IL4R: variants seen among roughly 807,000 people sequenced by gnomAD.
IL4R encodes interleukin 4 receptor, also known as interleukin-4 receptor subunit alpha.
In IL4R, 17 loss-of-function variants were observed where a neutral mutation model predicts 41.5. The observed-to-expected ratio is 0.41, with a 90% confidence interval of 0.28 to 0.61. The LOEUF is 0.61. Ranked by LOEUF, IL4R falls within the 20% of genes least tolerant of loss-of-function variation. The probability of loss-of-function intolerance (pLI) is 0.31; values close to 1 mark genes in which losing one functional copy is unlikely to be tolerated. For missense variants in IL4R, 974 were observed against 1,043.1 expected, an observed-to-expected ratio of 0.93 and a Z score of 0.91; for synonymous variants, 402 against 422.9, an observed-to-expected ratio of 0.95 and a Z score of 0.61.
chr16:27,330,396 AAAAAG>A lies in IL4R; in HGVS notation c.-19+208_-19+212del, dbSNP rs1441289207. 7.6e-4 allele frequency among the ~76,000 whole-genome samples: 115 copies of A among 151,628 alleles called. 1 individual carries two copies. The highest frequency in any genetic ancestry group is 2.6e-3 in the African/African-American group (109 of 41,326). On this transcript the variant is annotated intron_variant, in intron 2 of 10. Coordinates refer to ENST00000395762, the MANE Select transcript of IL4R (RefSeq NM_000418.4). ...AGTGAGACTCCATCTCAAAAAAAAAAAAAAGAAAAGAAAAAGAAAAAGAAATCACA... is the reference window on the plus strand; with the variant it reads ...AGTGAGACTCCATCTCAAAAAAAAAAAAAAGAAAAAGAAAAAGAAATCACA...
At chr16:27,331,275 T>A (rs12925861) in intron 2 of IL4R, among the ~76,000 whole-genome samples, 55,479 of 151,848 alleles carry the variant, frequency 0.37, 10,912 homozygotes, top group East Asian at 0.52. Flanking sequence ...AACACTAAGG[T>A]CTCTGACTTC....
rs766265918 is a variant in IL4R, at chr16:27,362,528, G to A, written c.1176G>A (p.Arg392=). The A allele has an allele frequency of 2.5e-6, 4 of 1,614,154 alleles. No homozygotes were observed. Among genetic ancestry groups the A allele is most frequent in the Middle Eastern group, 1.7e-4 (1 of 6,058 alleles). The change falls in exon 11 of 11, where the codon AGG becomes AGA. Residue 392 remains arginine (R), a synonymous_variant. Transcript: ENST00000395762. ...GSFCASPESS[R]DDFQEGREGI... ...TCTGTGCATCGCCTGAGAGCAGCAG[G>A]GATGACTTCCAGGAGGGAAGGGAGG...
In IL4R at chr16:27,362,626, A is replaced by G; in HGVS notation, c.1274A>G (p.Gln425Arg). Residue 425 changes from glutamine (Q) to arginine (R), a missense_variant, in exon 11 of 11, where the codon CAG (glutamine) becomes CGG (arginine). Coordinates refer to ENST00000395762, the MANE Select transcript of IL4R (RefSeq NM_000418.4). Reference protein sequence around the residue: ...LGEENGGFCQQDMGESCLLPP... With the variant: ...LGEENGGFCQRDMGESCLLPP... ...GAGGAGAATGGGGGCTTTTGCCAGC[A>G]GGACATGGGGGAGTCATGCCTTCTT... The G allele has an allele frequency of 6.2e-7, 1 of 1,614,148 alleles. No homozygotes were observed. Among genetic ancestry groups the G allele is most frequent in the Non-Finnish European group, 8.5e-7 (1 of 1,180,014 alleles).
At chr16:27,333,969 G>A (rs143084554) in intron 2 of IL4R, among the ~76,000 whole-genome samples, 1 of 151,700 alleles carries the variant, frequency 6.6e-6, no homozygotes, top group Non-Finnish European at 1.5e-5. Flanking sequence ...TGCAAGCTCC[G>A]CCTCCCGGGT....
intron 9 of IL4R, chr16:27,359,735 A>G (rs2086214551): frequency 4.5e-6 from 2 of 448,590 alleles, no homozygotes; most frequent in Admixed American, 2.4e-5. Flanking sequence ...GGTAGGACAG[A>G]TATTGGAATT....
chr16:27,361,329 T>G (rs3024671), intron 10 of IL4R, among the ~76,000 whole-genome samples: 11,128 of 151,952 alleles, frequency 0.073, 425 homozygotes, highest in South Asian at 0.13. Flanking sequence ...TGCCTGTAAT[T>G]CCAGCTACTC....
intron 3 of IL4R, chr16:27,341,297 G>A: frequency 1.6e-6 from 1 of 618,820 alleles, no homozygotes; most frequent in Non-Finnish European, 2.9e-6. Flanking sequence ...AAATGCAGAA[G>A]GATGCCAGAA....
At chr16:27,358,791 C>T in intron 8 of IL4R, 125 bp from the exon 9 acceptor site, 4 of 699,094 alleles carry the variant, frequency 5.7e-6, no homozygotes, top group Non-Finnish European at 1.0e-5. Context: ...GTGGTTTGAC[C>T]TCCAGAAACT....
chr16:27,329,976 G>C (rs371746975), intron 1 of IL4R, 90 bp from the exon 2 acceptor site: 2 of 152,108 alleles, frequency 1.3e-5, no homozygotes, highest in Admixed American at 1.3e-4. Context: ...TTGCAGAAGA[G>C]GGAGAGGGGA....
intron 6 of IL4R, among the ~76,000 whole-genome samples, chr16:27,347,668 T>C (rs918543971): frequency 6.6e-6 from 1 of 152,208 alleles, no homozygotes; most frequent in Non-Finnish European, 1.5e-5. Context: ...CCACCCTGAA[T>C]CCACCTTCCT....
chr16:27,355,781 G>C (rs762444513), intron 7 of IL4R, 27 bp from the exon 8 acceptor site: 1 of 1,535,052 alleles, frequency 6.5e-7, no homozygotes, highest in Admixed American at 1.7e-5. Context: ...GCTGACCTCA[G>C]CTCATGGCTT....
chr16:27,320,597 C>A (rs1422849178), intron 1 of IL4R, among the ~76,000 whole-genome samples: 1 of 152,230 alleles, frequency 6.6e-6, no homozygotes, highest in Non-Finnish European at 1.5e-5. Context: ...GTGCATTTAA[C>A]CACGGTTCTG....
intron 6 of IL4R, among the ~76,000 whole-genome samples, chr16:27,348,917 G>A: frequency 6.6e-6 from 1 of 152,212 alleles, no homozygotes; most frequent in Non-Finnish European, 1.5e-5. Context: ...CCAGATGCCA[G>A]TCATGGGATT....
In IL4R at chr16:27,345,602, A is replaced by G; in HGVS notation, c.361+582A>G. The stretch of plus-strand genomic sequence containing the variant: ...CAAGTTTTAAAACAGATGAATCAAA[A>G]TAAAGAAAAATACTCAGTAAATCAT... On this transcript the variant is annotated intron_variant, in intron 5 of 10. Coordinates refer to ENST00000395762, the MANE Select transcript of IL4R (RefSeq NM_000418.4). The surrounding 1 kb of genome is among the most constrained non-coding windows in gnomAD (Gnocchi z 4.5). 1 of 183,454 alleles carries G rather than the reference A, an allele frequency of 5.5e-6. No individual in the cohort carries two copies. The highest frequency in any genetic ancestry group is 1.2e-5 in the Non-Finnish European group (1 of 85,510). 11.4% of individuals were successfully genotyped at this position (183,454 alleles called of 1,614,324 possible).
intron 7 of IL4R, chr16:27,355,519 T>C (rs1292985819): frequency 2.6e-6 from 1 of 391,532 alleles, no homozygotes; most frequent in Non-Finnish European, 4.8e-6. Context: ...ATCCGGCTCC[T>C]AAGTTGGTGC....
At chr16:27,336,034 T>C (rs917040311) in intron 2 of IL4R, among the ~76,000 whole-genome samples, 1 of 152,182 alleles carries the variant, frequency 6.6e-6, no homozygotes, top group African/African-American at 2.4e-5. Flanking sequence ...TGGAGATATG[T>C]GAGTGTGTTT....
chr16:27,330,538 A>T (rs1174775786), intron 2 of IL4R, among the ~76,000 whole-genome samples: 2 of 151,920 alleles, frequency 1.3e-5, no homozygotes, highest in Admixed American at 1.3e-4. Context: ...CCTTATTGGG[A>T]TTTCCCGATT....
At chr16:27,320,163 G>A (rs1166186423) in intron 1 of IL4R, among the ~76,000 whole-genome samples, 3 of 152,090 alleles carry the variant, frequency 2.0e-5, no homozygotes, top group Non-Finnish European at 2.9e-5. Context: ...CACTGCACGC[G>A]GCCCTGGGTG....
chr16:27,314,844 T>C (rs2084590527), intron 1 of IL4R, among the ~76,000 whole-genome samples: 1 of 152,248 alleles, frequency 6.6e-6, no homozygotes, highest in Admixed American at 6.5e-5. Flanking sequence ...ATCTGATCTT[T>C]ATTTTATTTT....
Sources: allele counts gnomAD v4.1 joint callset (sites outside exome capture counted in the v4.1 genomes callset), GRCh38; gene constraint gnomAD v4.1.1; non-coding constraint Gnocchi (gnomAD v3.1); transcripts MANE v1.5; gene names NCBI Gene and HGNC (gene_info 2026-07-23, HGNC 2026-07-21).